The following ATP8A2 variants were observed in gnomAD, a reference collection of about 807,000 sequenced individuals.
The protein encoded by ATP8A2 is phospholipid-transporting ATPase IB.
A neutral mutation model predicts 165.6 loss-of-function variants in ATP8A2; 100 were observed. The ratio of observed to expected loss-of-function variants is 0.60; its 90% CI spans 0.51 to 0.71. ATP8A2 has a LOEUF of 0.71. ATP8A2 is among the 30% of genes least tolerant of loss of function. ATP8A2 has a pLI of 0.00. For missense variants in ATP8A2, 1,227 were observed against 1,479.5 expected (o/e 0.83, Z 2.80); for synonymous variants, 543 against 548.8 (o/e 0.99, Z 0.15).
intron 1 of ATP8A2, among the ~76,000 whole-genome samples, chr13:25,446,338 C>A (rs972408402): frequency 5.9e-5 from 9 of 152,172 alleles, no homozygotes; most frequent in Non-Finnish European, 1.0e-4. Context: ...CCCCCTCTTC[C>A]CCAAATGAGC....
At chr13:25,728,329 T>C (rs982116785) in intron 25 of ATP8A2, among the ~76,000 whole-genome samples, 2 of 152,116 alleles carry the variant, frequency 1.3e-5, no homozygotes, top group Admixed American at 1.3e-4. Flanking sequence ...AGTTTTCTCA[T>C]GGGTGAAGTG....
chr13:25,787,387 A>T (rs904708950), intron 27 of ATP8A2, among the ~76,000 whole-genome samples: 4 of 152,230 alleles, frequency 2.6e-5, no homozygotes, highest in African/African-American at 9.6e-5. Flanking sequence ...TCGTTGGATC[A>T]GTAATTTATT....
At chr13:25,719,458 G>T (rs3117857) in intron 25 of ATP8A2, among the ~76,000 whole-genome samples, 2 of 151,760 alleles carry the variant, frequency 1.3e-5, no homozygotes, top group African/African-American at 4.9e-5. Context: ...TGGGTGGATG[G>T]GTGGATGGGT....
At chr13:25,655,731 A>T (rs1244939442) in intron 24 of ATP8A2, among the ~76,000 whole-genome samples, 1 of 151,520 alleles carries the variant, frequency 6.6e-6, no homozygotes, top group Non-Finnish European at 1.5e-5. Context: ...ATCTCTTTAA[A>T]AAAAAAAAAA....
At chr13:25,675,497 A>G (rs2042353490) in intron 24 of ATP8A2, among the ~76,000 whole-genome samples, 1 of 152,216 alleles carries the variant, frequency 6.6e-6, no homozygotes, top group Non-Finnish European at 1.5e-5. Flanking sequence ...ACACTTGCAA[A>G]TATGTGTAAA....
At chr13:25,641,318 CCT>C (rs937125635) in intron 24 of ATP8A2, among the ~76,000 whole-genome samples, 83 of 152,178 alleles carry the variant, frequency 5.5e-4, no homozygotes, top group African/African-American at 1.8e-3. Context: ...TCAAATTGCC[CCT>C]GTTTGCAGAT....
intron 27 of ATP8A2, among the ~76,000 whole-genome samples, chr13:25,794,071 G>A (rs1001751066): frequency 3.9e-5 from 6 of 152,268 alleles, no homozygotes; most frequent in South Asian, 4.1e-4. Context: ...TACTTGGTTG[G>A]TTTGTTTTTG....
At chr13:25,580,570 A>G (rs993853925) in intron 22 of ATP8A2, among the ~76,000 whole-genome samples, 1 of 152,114 alleles carries the variant, frequency 6.6e-6, no homozygotes, top group Non-Finnish European at 1.5e-5. Context: ...TCTGTTACCC[A>G]GGACCCAGGC....
chr13:25,740,774 G>A (rs2043894414), intron 25 of ATP8A2, among the ~76,000 whole-genome samples: 1 of 152,226 alleles, frequency 6.6e-6, no homozygotes, highest in Non-Finnish European at 1.5e-5. Context: ...GGAGTTCCTA[G>A]CATGTAAATG....
At position 25,414,430 on chromosome 13, in the gene ATP8A2, G is replaced by A. The variant is rs562516550; in HGVS notation, c.76+42142G>A. 2.0e-5 allele frequency among the ~76,000 whole-genome samples: 3 copies of A among 152,242 alleles called. No homozygotes were observed. In the South Asian group the frequency reaches 6.2e-4, roughly 32 times the overall value. The stretch of plus-strand genomic sequence containing the variant: ...TGGTCTTGAACTCCTGACCTCAGGT[G>A]ATACTCCCTCCTTGGCCTCCCAAAG... On this transcript the variant is annotated intron_variant, in intron 1 of 36. Coordinates refer to ENST00000381655, the MANE Select transcript of ATP8A2 (RefSeq NM_016529.6).
intron 6 of ATP8A2, among the ~76,000 whole-genome samples, chr13:25,535,291 T>C (rs567885150): frequency 6.6e-6 from 1 of 152,262 alleles, no homozygotes; most frequent in South Asian, 2.1e-4. Flanking sequence ...AGATCTGCTG[T>C]CCCCTGGGCT....
intron 24 of ATP8A2, among the ~76,000 whole-genome samples, chr13:25,666,472 T>G (rs2042157277): frequency 6.6e-6 from 1 of 152,136 alleles, no homozygotes; most frequent in Admixed American, 6.5e-5. Flanking sequence ...ACTCCTGACC[T>G]CAGGTGATCC....
At chr13:25,533,049 A>G (rs1290903522) in intron 5 of ATP8A2, among the ~76,000 whole-genome samples, 3 of 152,118 alleles carry the variant, frequency 2.0e-5, no homozygotes, top group Non-Finnish European at 4.4e-5. Flanking sequence ...ACATACATAC[A>G]TAAACATTTA....
chr13:26,002,848 C>T (rs7990509), intron 35 of ATP8A2, among the ~76,000 whole-genome samples: 7 of 134,720 alleles, frequency 5.2e-5, no homozygotes, highest in African/African-American at 2.0e-4. Context: ...TAGTATTCCA[C>T]TGTGTGTGTG....
chr13:25,469,987 G>GT (rs1377385416), intron 2 of ATP8A2, among the ~76,000 whole-genome samples: 1 of 152,212 alleles, frequency 6.6e-6, no homozygotes, highest in Non-Finnish European at 1.5e-5. Context: ...CCATGCTTGG[G>GT]TGTAGAGAAG....
intron 24 of ATP8A2, among the ~76,000 whole-genome samples, chr13:25,633,530 T>A (rs11843932): frequency 0.035 from 5,256 of 152,226 alleles, 155 homozygotes; most frequent in East Asian, 0.13. Context: ...TAATTTAGAG[T>A]TTCTTATTAT....
chr13:25,832,310 C>T (rs1253876707), intron 28 of ATP8A2, among the ~76,000 whole-genome samples: 1 of 152,190 alleles, frequency 6.6e-6, no homozygotes, highest in African/African-American at 2.4e-5. Flanking sequence ...AAATGGATTT[C>T]AGCTAAATTT....
chr13:25,438,656 A>G (rs2034845875), intron 1 of ATP8A2, among the ~76,000 whole-genome samples: 1 of 152,194 alleles, frequency 6.6e-6, no homozygotes, highest in Admixed American at 6.5e-5. Flanking sequence ...GAAAAGAAAA[A>G]AAAAGAGAGA....
At chr13:25,616,602 G>C (rs2040834231) in intron 24 of ATP8A2, among the ~76,000 whole-genome samples, 1 of 152,116 alleles carries the variant, frequency 6.6e-6, no homozygotes, top group Non-Finnish European at 1.5e-5. Context: ...AAAGTGCTGG[G>C]ATTATAGGCG....
Sources: allele counts gnomAD v4.1 joint callset (sites outside exome capture counted in the v4.1 genomes callset), GRCh38; gene constraint gnomAD v4.1.1; transcripts MANE v1.5; gene names NCBI Gene and HGNC (gene_info 2026-07-23, HGNC 2026-07-21).